The following CSMD1 variants were observed in gnomAD, a reference collection of about 807,000 sequenced individuals.
CSMD1 encodes the protein CUB and Sushi multiple domains 1, also known as CUB and sushi domain-containing protein 1.
Under a neutral mutation model 417.5 loss-of-function variants are expected in CSMD1, and 213 were observed. The ratio of observed to expected loss-of-function variants is 0.51; its 90% confidence interval spans 0.46 to 0.57. The LOEUF (loss-of-function observed/expected upper bound fraction) is 0.57, where lower values mean the gene tolerates loss of function less well. Ranked by LOEUF, CSMD1 falls within the 20% of genes least tolerant of loss-of-function variation. The probability of loss-of-function intolerance (pLI) is 0.00; values close to 1 mark genes in which losing one functional copy is unlikely to be tolerated. For missense variants in CSMD1, 6,923 were observed against 4,529.7 expected, an observed-to-expected ratio of 1.53 and a Z score of -15.17; for synonymous variants, 2,862 against 1,736.8, an observed-to-expected ratio of 1.65 and a Z score of -16.11.
chr8:4,752,244 T>C (rs910313682), intron 1 of CSMD1, among the ~76,000 whole-genome samples: 2 of 152,200 alleles, frequency 1.3e-5, no homozygotes, highest in Non-Finnish European at 2.9e-5. Context: ...TCTCAGTGTA[T>C]AACTGTGTAC....
In CSMD1 at chr8:3,974,840, C is replaced by T. The variant is rs1247278511; in HGVS notation, c.818+23063G>A. 2.0e-5 allele frequency among the ~76,000 whole-genome samples: 3 copies of T among 151,902 alleles called. No homozygotes were observed. The South Asian group carries it at 6.2e-4, about 32-fold the overall frequency. On this transcript the variant is annotated intron_variant, in intron 5 of 69. Transcript: ENST00000635120. ...TCCAATGATGCAATTAATGTTTTACCAGAGTAAGATATAAAATCAGGTGTT... is the reference window on the plus strand; with the variant it reads ...TCCAATGATGCAATTAATGTTTTACTAGAGTAAGATATAAAATCAGGTGTT...
intron 5 of CSMD1, among the ~76,000 whole-genome samples, chr8:3,769,417 C>T (rs1798455215): frequency 8.1e-6 from 1 of 123,360 alleles, no homozygotes; most frequent in African/African-American, 2.6e-5. Context: ...AAGAATATGT[C>T]AGATACATCC....
At chr8:4,171,516 GTTTC>G (rs1797762871) in intron 3 of CSMD1, among the ~76,000 whole-genome samples, 1 of 151,862 alleles carries the variant, frequency 6.6e-6, no homozygotes, top group Non-Finnish European at 1.5e-5. Flanking sequence ...GTACTCTACA[GTTTC>G]TTTAGTTGAC....
intron 39 of CSMD1, among the ~76,000 whole-genome samples, chr8:3,154,652 T>A (rs1374329707): frequency 6.6e-6 from 1 of 152,100 alleles, no homozygotes; most frequent in Non-Finnish European, 1.5e-5. Context: ...TGCTGTGACA[T>A]GAACTTCACC....
At chr8:3,105,837 G>A (rs974040871) in intron 46 of CSMD1, among the ~76,000 whole-genome samples, 6 of 152,184 alleles carry the variant, frequency 3.9e-5, no homozygotes, top group African/African-American at 1.4e-4. Context: ...ATAACAGATA[G>A]GCATGTGATA....
At chr8:4,724,813 T>C (rs914766065) in intron 1 of CSMD1, among the ~76,000 whole-genome samples, 6 of 152,106 alleles carry the variant, frequency 3.9e-5, no homozygotes, top group African/African-American at 7.2e-5. Flanking sequence ...AGTTGATATA[T>C]TCAAGTTGAA....
chr8:4,900,935 C>G (rs1229826109), intron 1 of CSMD1, among the ~76,000 whole-genome samples: 1 of 152,140 alleles, frequency 6.6e-6, no homozygotes, highest in Non-Finnish European at 1.5e-5. Context: ...TCCTAAGTGC[C>G]CAGCACAGTG....
chr8:3,351,014 C>T (rs187521531), intron 21 of CSMD1, among the ~76,000 whole-genome samples: 16 of 152,260 alleles, frequency 1.1e-4, no homozygotes, highest in South Asian at 4.1e-4. Flanking sequence ...AAGGCAAAAG[C>T]AACTCACCAT....
intron 26 of CSMD1, among the ~76,000 whole-genome samples, chr8:3,255,146 A>T (rs142958775): frequency 6.6e-6 from 1 of 152,106 alleles, no homozygotes; most frequent in Non-Finnish European, 1.5e-5. Context: ...TCCAGAACCT[A>T]TTTGCCTGGG....
chr8:4,010,632 A>C (rs1243074108), intron 4 of CSMD1, among the ~76,000 whole-genome samples: 1 of 151,908 alleles, frequency 6.6e-6, no homozygotes, highest in Admixed American at 6.6e-5. Context: ...ACTTACCCAA[A>C]CACCTAAACT....
intron 3 of CSMD1, among the ~76,000 whole-genome samples, chr8:4,145,640 T>G (rs909755675): frequency 6.6e-6 from 1 of 150,920 alleles, no homozygotes; most frequent in Non-Finnish European, 1.5e-5. Flanking sequence ...CCTGCCCACT[T>G]GGCCTCTCAA....
intron 1 of CSMD1, chr8:4,788,556 C>A: frequency 7.3e-7 from 1 of 1,365,784 alleles, no homozygotes; most frequent in Non-Finnish European, 1.0e-6. Flanking sequence ...TTGAAGCAGG[C>A]TGACAAGAAA....
chr8:3,559,023 C>T (rs535459873), intron 10 of CSMD1, among the ~76,000 whole-genome samples: 1 of 152,244 alleles, frequency 6.6e-6, no homozygotes, highest in South Asian at 2.1e-4. Context: ...GGTGACCTGT[C>T]ATGAAAGATT....
At chr8:4,341,333 T>C (rs1374288562) in intron 3 of CSMD1, among the ~76,000 whole-genome samples, 1 of 152,130 alleles carries the variant, frequency 6.6e-6, no homozygotes, top group Non-Finnish European at 1.5e-5. Context: ...AGGTAAAAGT[T>C]TTTCACATTG....
intron 30 of CSMD1, among the ~76,000 whole-genome samples, chr8:3,213,679 G>A (rs1297215640): frequency 3.2e-5 from 4 of 123,446 alleles, no homozygotes; most frequent in East Asian, 3.0e-4. Flanking sequence ...AAATATATAT[G>A]TGTGTGTGTA....
intron 2 of CSMD1, among the ~76,000 whole-genome samples, chr8:4,612,332 T>G (rs900288011): frequency 2.0e-5 from 3 of 150,702 alleles, no homozygotes; most frequent in African/African-American, 7.4e-5. Context: ...CCACTTTACT[T>G]AGGAGCACTT....
chr8:3,028,598 T>G (rs1181507644), intron 51 of CSMD1, among the ~76,000 whole-genome samples: 1 of 152,204 alleles, frequency 6.6e-6, no homozygotes, highest in Non-Finnish European at 1.5e-5. Flanking sequence ...ACGTGTTTCA[T>G]TAACATTTGT....
chr8:4,967,656 T>C (rs999064103), intron 1 of CSMD1, among the ~76,000 whole-genome samples: 11 of 152,170 alleles, frequency 7.2e-5, no homozygotes, highest in Non-Finnish European at 1.2e-4. Flanking sequence ...TATTCTCTGG[T>C]TCTAATGAGC....
At chr8:3,133,128 G>A (rs951873921) in intron 41 of CSMD1, among the ~76,000 whole-genome samples, 7 of 152,216 alleles carry the variant, frequency 4.6e-5, no homozygotes, top group Non-Finnish European at 5.9e-5. Flanking sequence ...CCACTGCAGC[G>A]TGGGCCGGCA....
Sources: allele counts gnomAD v4.1 joint callset (sites outside exome capture counted in the v4.1 genomes callset), GRCh38; gene constraint gnomAD v4.1.1; transcripts MANE v1.5; gene names NCBI Gene and HGNC (gene_info 2026-07-23, HGNC 2026-07-21).